Variants in CNTNAP5 observed in about 807,000 individuals in gnomAD.
CNTNAP5 encodes the protein contactin-associated protein-like 5.
Under a neutral mutation model 150.2 loss-of-function variants are expected in CNTNAP5, and 72 were observed. The ratio of observed to expected loss-of-function variants is 0.48; its 90% CI spans 0.40 to 0.58. CNTNAP5 has a LOEUF of 0.58. Ranked by LOEUF, CNTNAP5 falls within the 20% of genes least tolerant of loss-of-function variation. CNTNAP5 has a pLI of 0.00. For synonymous variants in CNTNAP5, 672 were observed against 619.8 expected, an observed-to-expected ratio of 1.08 and a Z score of -1.25; for missense variants, 1,636 against 1,626.2, an observed-to-expected ratio of 1.01 and a Z score of -0.10.
Position 124,919,760 on chromosome 2 carries a change from A to G in CNTNAP5, c.*5472A>G, listed in dbSNP as rs1409586261. ...TCTTCAGTCACATTCTTTTTTTTCA[A>G]TTTTTAAATTTTTTTTCAGGATTTT... On this transcript the variant is annotated 3_prime_UTR_variant, in exon 24 of 24. Coordinates refer to ENST00000682447, the MANE Select transcript of CNTNAP5 (RefSeq NM_001367498.1). Among the ~76,000 whole-genome samples, 3 of 151,560 alleles carry G rather than the reference A, an allele frequency of 2.0e-5. No homozygotes were observed. The highest frequency in any genetic ancestry group is 2.0e-4 in the Admixed American group (3 of 15,204).
intron 17 of CNTNAP5, among the ~76,000 whole-genome samples, chr2:124,787,812 G>GA (rs1056987631): frequency 2.2e-4 from 33 of 152,246 alleles, no homozygotes; most frequent in Middle Eastern, 6.8e-3. Context: ...CCCTGTCTAA[G>GA]ATTATGCATT....
intron 19 of CNTNAP5, among the ~76,000 whole-genome samples, chr2:124,851,995 A>T (rs576041915): frequency 6.6e-6 from 1 of 152,300 alleles, no homozygotes; most frequent in African/African-American, 2.4e-5. Context: ...AGACAATATG[A>T]GCTGGGAAAG....
intron 6 of CNTNAP5, among the ~76,000 whole-genome samples, chr2:124,456,783 C>A (rs922289426): frequency 6.6e-6 from 1 of 152,128 alleles, no homozygotes; most frequent in African/African-American, 2.4e-5. Flanking sequence ...GCCAACTGAT[C>A]TTTGACAAAG....
chr2:124,451,051 A>AATATATAT (rs1553469335), intron 6 of CNTNAP5, among the ~76,000 whole-genome samples: 12 of 65,302 alleles, frequency 1.8e-4, no homozygotes, highest in African/African-American at 7.9e-4. Context: ...AAAAAAAAAA[A>AATATATAT]ATATATATAT....
At chr2:124,851,687 A>T (rs1022604752) in intron 19 of CNTNAP5, among the ~76,000 whole-genome samples, 4 of 152,148 alleles carry the variant, frequency 2.6e-5, no homozygotes, top group African/African-American at 9.7e-5. Context: ...ATTAGCTGAG[A>T]GTGAGGAAGG....
intron 3 of CNTNAP5, among the ~76,000 whole-genome samples, chr2:124,265,583 G>A (rs1360388296): frequency 2.0e-5 from 3 of 152,292 alleles, no homozygotes; most frequent in African/African-American, 4.8e-5. Flanking sequence ...GGGGGACTGA[G>A]GGCAACATGC....
chr2:124,693,549 C>A (rs1679341675), intron 13 of CNTNAP5, among the ~76,000 whole-genome samples: 4 of 152,038 alleles, frequency 2.6e-5, no homozygotes, highest in Admixed American at 2.6e-4. Context: ...AGAATGGTAA[C>A]CATTGATATC....
intron 1 of CNTNAP5, among the ~76,000 whole-genome samples, chr2:124,162,137 C>T (rs1684694458): frequency 6.6e-6 from 1 of 152,014 alleles, no homozygotes; most frequent in African/African-American, 2.4e-5. Flanking sequence ...GTAAAAATGC[C>T]ACAAGGTAAA....
At chr2:124,671,839 T>C (rs573695223) in intron 13 of CNTNAP5, among the ~76,000 whole-genome samples, 2 of 152,114 alleles carry the variant, frequency 1.3e-5, no homozygotes, top group East Asian at 1.9e-4. Context: ...AGAGTTTCAT[T>C]ATGTTGGCCA....
At chr2:124,668,990 T>A (rs567721433) in intron 13 of CNTNAP5, among the ~76,000 whole-genome samples, 2 of 152,308 alleles carry the variant, frequency 1.3e-5, no homozygotes, top group South Asian at 4.1e-4. Context: ...CTTCCTGCAG[T>A]CCTATTGGTA....
chr2:124,745,185 T>C (rs1348528852), intron 13 of CNTNAP5, among the ~76,000 whole-genome samples: 5 of 152,156 alleles, frequency 3.3e-5, no homozygotes, highest in African/African-American at 1.2e-4. Context: ...CCACCAGAAG[T>C]TGCACACAAA....
chr2:124,493,583 G>A lies in CNTNAP5; in HGVS notation c.1063-10709G>A, dbSNP rs369147100. On this transcript the variant is annotated intron_variant, in intron 7 of 23. Coordinates refer to ENST00000682447, the MANE Select transcript of CNTNAP5 (RefSeq NM_001367498.1). ...TCTCAATCTCCTGACCTCGTGATCC[G>A]CCTGCCTCTGCCTCCCAAGTTCTGG... 4.6e-5 allele frequency among the ~76,000 whole-genome samples: 7 copies of A among 151,974 alleles called. No individual in the cohort carries two copies. In the East Asian group the frequency reaches 5.8e-4, roughly 13 times the overall value.
At chr2:124,859,145 T>C (rs1195622445) in intron 19 of CNTNAP5, among the ~76,000 whole-genome samples, 1 of 151,956 alleles carries the variant, frequency 6.6e-6, no homozygotes. Flanking sequence ...GAGAAAATTT[T>C]TGCAATCTAC....
At chr2:124,511,234 T>C (rs1282017663) in intron 8 of CNTNAP5, among the ~76,000 whole-genome samples, 2 of 152,230 alleles carry the variant, frequency 1.3e-5, no homozygotes, top group Admixed American at 1.3e-4. Flanking sequence ...CTGTTTTGAA[T>C]GTCATATGAA....
chr2:124,138,381 C>T (rs1460478626), intron 1 of CNTNAP5, among the ~76,000 whole-genome samples: 1 of 152,196 alleles, frequency 6.6e-6, no homozygotes, highest in Non-Finnish European at 1.5e-5. Flanking sequence ...CATTCAGGGA[C>T]TTTGACAATA....
chr2:124,769,858 C>T (rs1205390769), intron 16 of CNTNAP5, among the ~76,000 whole-genome samples: 1 of 152,162 alleles, frequency 6.6e-6, no homozygotes, highest in East Asian at 1.9e-4. Context: ...CTGTACCTTA[C>T]TTCCCTCATC....
chr2:124,457,649 C>T (rs1258001052), intron 6 of CNTNAP5, among the ~76,000 whole-genome samples: 3 of 151,966 alleles, frequency 2.0e-5, no homozygotes, highest in Admixed American at 6.6e-5. Flanking sequence ...AAACCCATCA[C>T]GAAGATATTA....
At position 124,920,465 on chromosome 2, in the gene CNTNAP5, T is replaced by C. The variant is rs1441593031; in HGVS notation, c.*6177T>C. Among the ~76,000 whole-genome samples the C allele has an allele frequency of 6.6e-6, 1 of 152,142 alleles. No homozygotes were observed. Among genetic ancestry groups the C allele is most frequent in the Non-Finnish European group, 1.5e-5 (1 of 68,012 alleles). On this transcript the variant is annotated 3_prime_UTR_variant, in exon 24 of 24. Coordinates refer to ENST00000682447, the MANE Select transcript of CNTNAP5 (RefSeq NM_001367498.1). Reference sequence around the variant, plus strand: ...CTTTGAAAGGTAGTATCAACCTGTGTAACCTTGTCCTGCCTTAAATACTGT... The same window carrying C: ...CTTTGAAAGGTAGTATCAACCTGTGCAACCTTGTCCTGCCTTAAATACTGT...
intron 1 of CNTNAP5, among the ~76,000 whole-genome samples, chr2:124,051,532 A>G (rs768470394): frequency 6.6e-6 from 1 of 152,232 alleles, no homozygotes; most frequent in Non-Finnish European, 1.5e-5. Context: ...TGATGTTAAT[A>G]CAATGTCCAT....
Sources: allele counts gnomAD v4.1 joint callset (sites outside exome capture counted in the v4.1 genomes callset), GRCh38; gene constraint gnomAD v4.1.1; transcripts MANE v1.5; gene names NCBI Gene and HGNC (gene_info 2026-07-23, HGNC 2026-07-21).